NCKAP5: variants seen among roughly 807,000 people sequenced by gnomAD.
NCKAP5 encodes the protein nck-associated protein 5.
A neutral mutation model predicts 167.0 loss-of-function variants in NCKAP5; 92 were observed. The observed-to-expected ratio is 0.55, with a 90% CI of 0.47 to 0.66. The LOEUF is 0.66. Among genes scored for constraint, NCKAP5 ranks in the 30% least tolerant of loss-of-function variants. NCKAP5 has a pLI of 0.00. For missense variants in NCKAP5, 2,378 were observed against 2,315.0 expected (o/e 1.03, Z -0.56); for synonymous variants, 891 against 877.4 (o/e 1.02, Z -0.27).
the NCKAP5 span, among the ~76,000 whole-genome samples, chr2:133,630,976 T>G: frequency 6.6e-6 from 1 of 152,228 alleles, no homozygotes; most frequent in Non-Finnish European, 1.5e-5. Flanking sequence ...AGATGTTCAT[T>G]TTAGTATCAT....
chr2:133,185,869 T>C (rs1236960937), intron 5 of NCKAP5, among the ~76,000 whole-genome samples: 1 of 152,148 alleles, frequency 6.6e-6, no homozygotes, highest in Non-Finnish European at 1.5e-5. Context: ...GTAGAATCTT[T>C]AGGGCTTTCT....
chr2:133,597,342 T>G, the NCKAP5 span, among the ~76,000 whole-genome samples: 1 of 152,172 alleles, frequency 6.6e-6, no homozygotes, highest in Admixed American at 6.5e-5. Context: ...GTGATCCTGA[T>G]GGATGCCTAA....
chr2:133,655,467 C>T, the NCKAP5 span, among the ~76,000 whole-genome samples: 1 of 152,272 alleles, frequency 6.6e-6, no homozygotes, highest in Non-Finnish European at 1.5e-5. Flanking sequence ...GAACTTTCCA[C>T]CCTATGACTG....
At chr2:133,491,407 C>T (rs796563211) in intron 3 of NCKAP5, among the ~76,000 whole-genome samples, 12 of 152,114 alleles carry the variant, frequency 7.9e-5, no homozygotes, top group African/African-American at 2.7e-4. Flanking sequence ...GAGGTTAAGA[C>T]CTGCCTCATG....
intron 16 of NCKAP5, among the ~76,000 whole-genome samples, chr2:132,748,752 T>C (rs1444748230): frequency 6.6e-6 from 1 of 152,184 alleles, no homozygotes; most frequent in Non-Finnish European, 1.5e-5. Flanking sequence ...TACTCCCTTA[T>C]GGACTCTAGT....
chr2:133,191,739 T>C (rs1046220273), intron 5 of NCKAP5, among the ~76,000 whole-genome samples: 1 of 151,584 alleles, frequency 6.6e-6, no homozygotes, highest in East Asian at 1.9e-4. Flanking sequence ...GGACACAGGA[T>C]GGGGAACATC....
At chr2:133,249,127 A>C (rs1422345820) in intron 4 of NCKAP5, among the ~76,000 whole-genome samples, 1 of 151,508 alleles carries the variant, frequency 6.6e-6, no homozygotes, top group Admixed American at 6.6e-5. Context: ...ATAGGTCTGC[A>C]TTCTCATCCA....
chr2:132,746,789 A>T (rs1384246409), intron 16 of NCKAP5, among the ~76,000 whole-genome samples: 3 of 152,198 alleles, frequency 2.0e-5, no homozygotes, highest in African/African-American at 7.2e-5. Context: ...CAATAAAAAC[A>T]TAAACAAACT....
At chr2:133,304,336 A>G (rs1276803158) in intron 3 of NCKAP5, among the ~76,000 whole-genome samples, 1 of 152,192 alleles carries the variant, frequency 6.6e-6, no homozygotes, top group Non-Finnish European at 1.5e-5. Flanking sequence ...TTGTTAGACT[A>G]GAGGGTATAC....
chr2:132,945,770 T>C (rs897805169), intron 8 of NCKAP5, among the ~76,000 whole-genome samples: 1 of 152,218 alleles, frequency 6.6e-6, no homozygotes, highest in African/African-American at 2.4e-5. Flanking sequence ...ATATGTATTA[T>C]TGCTTCCATC....
intron 2 of NCKAP5, among the ~76,000 whole-genome samples, chr2:133,538,400 T>C (rs1685920337): frequency 6.6e-6 from 1 of 152,126 alleles, no homozygotes; most frequent in Non-Finnish European, 1.5e-5. Flanking sequence ...TTTAGCCTAA[T>C]TTGAAGGATT....
chr2:132,958,680 C>A (rs1287515834), intron 8 of NCKAP5, among the ~76,000 whole-genome samples: 2 of 152,282 alleles, frequency 1.3e-5, no homozygotes, highest in East Asian at 3.9e-4. Flanking sequence ...ACTTGCCAAG[C>A]TTTCCAGCAT....
chr2:133,599,276 G>T, the NCKAP5 span, among the ~76,000 whole-genome samples: 2 of 152,170 alleles, frequency 1.3e-5, no homozygotes, highest in Non-Finnish European at 2.9e-5. Flanking sequence ...TGACATCCTA[G>T]AAGGCACTTT....
chr2:133,347,880 G>A (rs574387071), intron 3 of NCKAP5, among the ~76,000 whole-genome samples: 1 of 152,354 alleles, frequency 6.6e-6, no homozygotes, highest in East Asian at 1.9e-4. Context: ...CCAGAAGATA[G>A]AGTCCTTCTT....
At chr2:133,563,270 T>A (rs1006735012) in intron 1 of NCKAP5, among the ~76,000 whole-genome samples, 1 of 152,072 alleles carries the variant, frequency 6.6e-6, no homozygotes, top group Non-Finnish European at 1.5e-5. Flanking sequence ...TGGGCTACTC[T>A]ACAAAAAGAT....
chr2:133,039,913 TA>T (rs1321047439), intron 6 of NCKAP5, among the ~76,000 whole-genome samples: 1 of 152,204 alleles, frequency 6.6e-6, no homozygotes, highest in Non-Finnish European at 1.5e-5. Context: ...TAATGAACCA[TA>T]AAGTGAAGCT....
chr2:133,660,418 CATGAA>C, the NCKAP5 span, among the ~76,000 whole-genome samples: 2 of 151,974 alleles, frequency 1.3e-5, no homozygotes, highest in Non-Finnish European at 2.9e-5. Flanking sequence ...ATCTGTTTTT[CATGAA>C]AACACAGCAA....
At chr2:133,021,125 G>T (rs779878368) in intron 6 of NCKAP5, among the ~76,000 whole-genome samples, 5 of 152,166 alleles carry the variant, frequency 3.3e-5, no homozygotes, top group Non-Finnish European at 7.3e-5. Context: ...AGATTATTTA[G>T]CCATGACAGA....
At chr2:133,062,319 G>A (rs894235476) in intron 6 of NCKAP5, among the ~76,000 whole-genome samples, 3 of 152,172 alleles carry the variant, frequency 2.0e-5, no homozygotes, top group Non-Finnish European at 4.4e-5. Flanking sequence ...GCTTGGCCTT[G>A]TGTCTCCTGT....
Sources: allele counts gnomAD v4.1 joint callset (sites outside exome capture counted in the v4.1 genomes callset), GRCh38; gene constraint gnomAD v4.1.1; transcripts MANE v1.5; gene names NCBI Gene and HGNC (gene_info 2026-07-23, HGNC 2026-07-21).